Variants in SLC4A4 observed in about 807,000 individuals in gnomAD.
The protein encoded by SLC4A4 is electrogenic sodium bicarbonate cotransporter 1.
In SLC4A4, 27 loss-of-function variants were observed where a neutral mutation model predicts 111.5. That is an observed-to-expected ratio of 0.24 (90% CI 0.18 to 0.33). The LOEUF (loss-of-function observed/expected upper bound fraction) is 0.33, where lower values mean the gene tolerates loss of function less well. Ranked by LOEUF, SLC4A4 falls within the 10% of genes least tolerant of loss-of-function variation. The pLI, the probability that SLC4A4 is intolerant of heterozygous loss-of-function variation, is 1.00. For missense variants in SLC4A4, 909 were observed against 1,315.5 expected, an observed-to-expected ratio of 0.69 and a Z score of 4.78; for synonymous variants, 443 against 463.4, an observed-to-expected ratio of 0.96 and a Z score of 0.57.
intron 25 of SLC4A4, 79 bp from the exon 26 acceptor site, chr4:71,567,709 C>A (rs1737614670): frequency 9.1e-6 from 6 of 662,448 alleles, no homozygotes; most frequent in Non-Finnish European, 1.6e-5. Flanking sequence ...CATTTGACTT[C>A]TATACAATGC....
rs188861891 is a variant in SLC4A4, at chr4:71,131,673, G to A, written c.-2+38881G>A. Among the ~76,000 whole-genome samples the A allele has an allele frequency of 4.5e-3, 691 of 152,266 alleles. 4 individuals are homozygous for A. The highest frequency in any genetic ancestry group is 5.6e-3 in the Non-Finnish European group (384 of 68,026). ...CATTGGTAAATGCATTATTGACCTTGTCATGATGCCAGATTGTGATCAAGA... is the reference window on the plus strand; with the variant it reads ...CATTGGTAAATGCATTATTGACCTTATCATGATGCCAGATTGTGATCAAGA... On this transcript the variant is annotated intron_variant, in intron 2 of 26. Transcript: ENST00000649996.
At chr4:71,140,636 T>G (rs1743970475) in intron 2 of SLC4A4, among the ~76,000 whole-genome samples, 1 of 152,148 alleles carries the variant, frequency 6.6e-6, no homozygotes, top group South Asian at 2.1e-4. Flanking sequence ...TCTCATTAAA[T>G]TGCACCATTT....
chr4:71,131,342 C>T (rs558588287), intron 2 of SLC4A4, among the ~76,000 whole-genome samples: 2 of 152,340 alleles, frequency 1.3e-5, no homozygotes, highest in Admixed American at 1.3e-4. Context: ...GTCCTCCTTG[C>T]TCAGCAGTCC....
chr4:71,514,192 T>G (rs1485061977), intron 16 of SLC4A4, among the ~76,000 whole-genome samples: 1 of 152,182 alleles, frequency 6.6e-6, no homozygotes, highest in Non-Finnish European at 1.5e-5. Flanking sequence ...TCCCCACCCA[T>G]GTCTCACGTC....
At chr4:71,264,315 C>T (rs1722082566) in intron 3 of SLC4A4, among the ~76,000 whole-genome samples, 1 of 152,052 alleles carries the variant, frequency 6.6e-6, no homozygotes, top group Non-Finnish European at 1.5e-5. Context: ...AGAAACTACT[C>T]CTGATGGTGA....
chr4:71,553,506 C>A (rs1284226215), intron 20 of SLC4A4, among the ~76,000 whole-genome samples: 1 of 151,868 alleles, frequency 6.6e-6, no homozygotes, highest in Non-Finnish European at 1.5e-5. Flanking sequence ...AAAGGAACTA[C>A]TGCAGGAATT....
In SLC4A4 at chr4:71,568,240, T is replaced by C. The variant is rs1165964441; in HGVS notation, c.*489T>C. ...TTTGTAACACCTTTTATGAAAATGT[T>C]GAAGGAACTTAAAACTTTAGCTTTG... On this transcript the variant is annotated 3_prime_UTR_variant, in exon 26 of 26. Transcript: ENST00000264485. 5.1e-6 allele frequency: 1 copy of C among 194,766 alleles called. No individual in the cohort carries two copies. The highest frequency in any genetic ancestry group is 1.0e-5 in the Non-Finnish European group (1 of 96,284). The allele number at this position is 194,766 out of a possible 1,614,324, so 12.1% of individuals were successfully genotyped here. A position where few individuals can be genotyped will look rare whatever the true frequency, so the allele number is the denominator to read the frequency against.
At chr4:71,557,907 C>G (rs1453474) in intron 22 of SLC4A4, 22 bp downstream of exon 22, 1 of 1,591,748 alleles carries the variant, frequency 6.3e-7, no homozygotes. Context: ...TTTAATTGAA[C>G]GTACCTGTGA....
intron 1 of SLC4A4, among the ~76,000 whole-genome samples, chr4:71,090,817 T>C (rs562941733): frequency 1.3e-5 from 2 of 152,220 alleles, no homozygotes; most frequent in Non-Finnish European, 2.9e-5. Context: ...CAAATGGCTC[T>C]ACTAAGACAA....
intron 1 of SLC4A4, among the ~76,000 whole-genome samples, chr4:71,188,892 G>GA (rs1259152403): frequency 6.6e-6 from 1 of 152,042 alleles, no homozygotes; most frequent in African/African-American, 2.4e-5. Context: ...TTATAGCTGA[G>GA]AAAAAACTTT....
At chr4:71,223,913 C>CG (rs1234365228) in intron 1 of SLC4A4, among the ~76,000 whole-genome samples, 1 of 152,090 alleles carries the variant, frequency 6.6e-6, no homozygotes, top group Non-Finnish European at 1.5e-5. Context: ...CCTGAGTCTT[C>CG]GTGGCCCCGT....
chr4:71,383,472 C>T (rs957253751), intron 6 of SLC4A4, among the ~76,000 whole-genome samples: 3 of 152,142 alleles, frequency 2.0e-5, no homozygotes, highest in African/African-American at 7.2e-5. Context: ...AGATTTCAAC[C>T]CCCACCTCAG....
chr4:71,502,451 T>C (rs1057464040), intron 16 of SLC4A4, among the ~76,000 whole-genome samples: 5 of 152,220 alleles, frequency 3.3e-5, no homozygotes, highest in Non-Finnish European at 7.3e-5. Context: ...TCTTTCGATG[T>C]AGTCATTTAT....
chr4:71,145,288 G>C lies in SLC4A4; in HGVS notation c.-2+52496G>C, dbSNP rs1256438204. On this transcript the variant is annotated intron_variant, in intron 2 of 26. Transcript: ENST00000649996. ...ATGTTGAACCAGACTTGCATCCCAG[G>C]GATGAAGCCCACTTGATCATGGTGG... Among the ~76,000 whole-genome samples the C allele has an allele frequency of 2.6e-5, 4 of 152,150 alleles. No individual in the cohort carries two copies. The South Asian group carries it at 8.3e-4, about 32-fold the overall frequency.
At chr4:71,182,951 T>C (rs1745339670), upstream of SLC4A4, among the ~76,000 whole-genome samples, 1 of 152,192 alleles carries the variant, frequency 6.6e-6, no homozygotes, top group Admixed American at 6.5e-5. Flanking sequence ...TATGGGAGAA[T>C]TCCTGCAGGA....
At position 71,389,160 on chromosome 4, in the gene SLC4A4, G is replaced by C. The variant is rs115731982; in HGVS notation, c.731-8417G>C. 2.6e-3 allele frequency among the ~76,000 whole-genome samples: 395 copies of C among 152,246 alleles called. 1 individual carries two copies. The highest frequency in any genetic ancestry group is 9.0e-3 in the African/African-American group (374 of 41,548). On this transcript the variant is annotated intron_variant, in intron 6 of 25. Transcript: ENST00000264485. ...GCAGGGAATGGCTTTTAAAATAAGA[G>C]AATAGTATTTATGAAGCCTAATTGA...
upstream of SLC4A4, among the ~76,000 whole-genome samples, chr4:71,184,053 A>G (rs1470282488): frequency 6.6e-6 from 1 of 152,204 alleles, no homozygotes; most frequent in African/African-American, 2.4e-5. Context: ...TTTGTTGAAC[A>G]CAGTGCTTTA....
intron 3 of SLC4A4, among the ~76,000 whole-genome samples, chr4:71,314,922 T>G (rs1343094252): frequency 6.6e-6 from 1 of 152,020 alleles, no homozygotes; most frequent in African/African-American, 2.4e-5. Flanking sequence ...TCCCAGAACT[T>G]AAAGTAAAAT....
intron 7 of SLC4A4, among the ~76,000 whole-genome samples, chr4:71,403,178 G>A (rs1041176521): frequency 4.6e-5 from 7 of 152,158 alleles, no homozygotes; most frequent in East Asian, 3.9e-4. Context: ...ACTCTATCTC[G>A]TGTATTATTT....
Sources: allele counts gnomAD v4.1 joint callset (sites outside exome capture counted in the v4.1 genomes callset), GRCh38; gene constraint gnomAD v4.1.1; transcripts MANE v1.5; gene names NCBI Gene and HGNC (gene_info 2026-07-23, HGNC 2026-07-21).